TMEM201: variants seen among roughly 807,000 people sequenced by gnomAD.
TMEM201 encodes transmembrane protein 201.
Under a neutral mutation model 63.4 loss-of-function variants are expected in TMEM201, and 26 were observed. The ratio of observed to expected loss-of-function variants is 0.41; its 90% CI spans 0.30 to 0.57. The LOEUF is 0.57. TMEM201 is among the 20% of genes least tolerant of loss of function. TMEM201 has a pLI of 0.29. For synonymous variants in TMEM201, 417 were observed against 421.6 expected (o/e 0.99, Z 0.14); for missense variants, 794 against 917.7 (o/e 0.87, Z 1.74).
intron 4 of TMEM201, among the ~76,000 whole-genome samples, chr1:9,600,587 T>C (rs1047272279): frequency 6.6e-6 from 1 of 151,918 alleles, no homozygotes; most frequent in Non-Finnish European, 1.5e-5. Context: ...GGTAGGGAGG[T>C]GGCCCCATGG....
chr1:9,591,436 C>T (rs1048408229), intron 1 of TMEM201, among the ~76,000 whole-genome samples: 1 of 152,254 alleles, frequency 6.6e-6, no homozygotes, highest in African/African-American at 2.4e-5. Flanking sequence ...GAAGCCACCA[C>T]GGTCGGCACA....
rs768191508 is a variant in TMEM201, at chr1:9,602,246, G to A, written c.1134G>A (p.Thr378=). 61 of 1,611,918 alleles carry A rather than the reference G, an allele frequency of 3.8e-5. No homozygotes were observed. Among genetic ancestry groups the A allele is most frequent in the Admixed American group, 5.0e-5 (3 of 59,998 alleles). The change falls in exon 6 of 11, where the codon ACG becomes ACA. Residue 378 remains threonine (T), a synonymous_variant. Transcript: ENST00000340381. The part of the protein sequence containing the change: ...FTAAVATRKA[T]GPRRFRPRRF... ...CGGCTGTGGCCACAAGGAAGGCAAC[G>A]GGCCCACGGAGGTTCCGGCCCCGAA... is the stretch of plus-strand genomic sequence containing the variant.
At chr1:9,599,113 A>T (rs1644086898) in intron 4 of TMEM201, among the ~76,000 whole-genome samples, 1 of 149,876 alleles carries the variant, frequency 6.7e-6, no homozygotes, top group African/African-American at 2.5e-5. Context: ...GTTAATTTTT[A>T]TATTTTTGTA....
rs1340776609 is a variant in TMEM201 at position 9,605,153 on chromosome 1, A to G, written c.1161-2404A>G. ...TGGATCATATTTTTTCCGTCTCAAT[A>G]AACTGTTGCTTAAAACGTGGTCTCT... is the stretch of plus-strand genomic sequence containing the variant. On this transcript the variant is annotated intron_variant, in intron 6 of 10. Coordinates refer to ENST00000340381, the MANE Select transcript of TMEM201 (RefSeq NM_001130924.3). This position sits in a 1 kb window ranked among gnomAD's most constrained non-coding sequence, Gnocchi z 5.7. Among the ~76,000 whole-genome samples, 1 of 152,100 alleles carries G rather than the reference A, an allele frequency of 6.6e-6. No homozygotes were observed. Among genetic ancestry groups the G allele is most frequent in the Non-Finnish European group, 1.5e-5 (1 of 68,010 alleles).
intron 1 of TMEM201, among the ~76,000 whole-genome samples, chr1:9,594,134 G>GC (rs1182346671): frequency 2.0e-5 from 3 of 152,252 alleles, no homozygotes; most frequent in African/African-American, 7.2e-5. Context: ...ATGCTCAGCA[G>GC]CCCCTTTTGA....
chr1:9,589,467 G>C (rs531896937), intron 1 of TMEM201, among the ~76,000 whole-genome samples: 1 of 152,362 alleles, frequency 6.6e-6, no homozygotes, highest in East Asian at 1.9e-4. Flanking sequence ...GCGTTTCAGA[G>C]CCACAGCCCC....
At position 9,603,262 on chromosome 1, in the gene TMEM201, C is replaced by A. The variant is rs1271860028; in HGVS notation, c.1160+990C>A. ...TGGCCAGGCCCCTGCTGTTCTCAGCCTCAGTTTGCCATCTATGAAATGAGG... is the reference window on the plus strand; with the variant it reads ...TGGCCAGGCCCCTGCTGTTCTCAGCATCAGTTTGCCATCTATGAAATGAGG... On this transcript the variant is annotated intron_variant, in intron 6 of 10. Coordinates refer to ENST00000340381, the MANE Select transcript of TMEM201 (RefSeq NM_001130924.3). This position sits in a 1 kb window ranked among gnomAD's most constrained non-coding sequence, Gnocchi z 4.5. The A allele has an allele frequency of 1.0e-6, 1 of 985,000 alleles. No individual in the cohort carries two copies. Among genetic ancestry groups the A allele is most frequent in the South Asian group, 4.7e-5 (1 of 21,296 alleles). The allele number at this position is 985,000 out of a possible 1,614,324, so 61.0% of individuals were successfully genotyped here.
At chr1:9,599,004 C>T (rs1472495724) in intron 4 of TMEM201, among the ~76,000 whole-genome samples, 1 of 151,160 alleles carries the variant, frequency 6.6e-6, no homozygotes, top group Non-Finnish European at 1.5e-5. Flanking sequence ...TGCAGTGGCA[C>T]GATCTCGGCT....
intron 2 of TMEM201, among the ~76,000 whole-genome samples, chr1:9,596,306 TTCTGGCTCTGCATCTCATTC>T (rs1644019161): frequency 6.6e-6 from 1 of 152,252 alleles, no homozygotes; most frequent in Non-Finnish European, 1.5e-5. Flanking sequence ...ACCCAGGTCT[TTCTGGCTCTGCATCTCATTC>T]TCTGTACTAT....
Position 9,604,821 on chromosome 1 carries a change from C to T in TMEM201, c.1160+2549C>T. The T allele has an allele frequency of 1.0e-6, 1 of 985,992 alleles. No individual in the cohort carries two copies. Among genetic ancestry groups the T allele is most frequent in the Non-Finnish European group, 1.2e-6 (1 of 830,004 alleles). 61.1% of individuals were successfully genotyped at this position (985,992 alleles called of 1,614,324 possible). ...TCTGTCTGTGACTGTTGCTGAGTCTCTGTCTCATGTCGTAGAATTGTGGAT... is the reference window on the plus strand; with the variant it reads ...TCTGTCTGTGACTGTTGCTGAGTCTTTGTCTCATGTCGTAGAATTGTGGAT... On this transcript the variant is annotated intron_variant, in intron 6 of 10. Transcript: ENST00000340381. This position sits in a 1 kb window ranked among gnomAD's most constrained non-coding sequence, Gnocchi z 4.1.
At position 9,604,604 on chromosome 1, in the gene TMEM201, C is replaced by A. The variant is rs182955416; in HGVS notation, c.1160+2332C>A. On this transcript the variant is annotated intron_variant, in intron 6 of 10. Coordinates refer to ENST00000340381, the MANE Select transcript of TMEM201 (RefSeq NM_001130924.3). The surrounding 1 kb of genome is among the most constrained non-coding windows in gnomAD (Gnocchi z 4.1). Reference sequence around the variant, plus strand: ...AGACCTTCTAGGGTCTGGCTGGGGTCATCCTAGGTATGGGTGACCGTCCCT... The same window carrying A: ...AGACCTTCTAGGGTCTGGCTGGGGTAATCCTAGGTATGGGTGACCGTCCCT... The A allele has an allele frequency of 5.2e-5, 51 of 985,494 alleles. 1 individual carries two copies. In the East Asian group the frequency reaches 3.4e-3, roughly 66 times the overall value. 61.0% of individuals were successfully genotyped at this position (985,494 alleles called of 1,614,324 possible).
At position 9,607,042 on chromosome 1, in the gene TMEM201, C is replaced by T. The variant is rs2100513623; in HGVS notation, c.1161-515C>T. On this transcript the variant is annotated intron_variant, in intron 6 of 10. Transcript: ENST00000340381. The surrounding 1 kb of genome is among the most constrained non-coding windows in gnomAD (Gnocchi z 5.4). ...GACTTCCAGGAATCACACCTGGGAACAGAGGGTGCCCAGAGCCGTGCTGGG... is the reference window on the plus strand; with the variant it reads ...GACTTCCAGGAATCACACCTGGGAATAGAGGGTGCCCAGAGCCGTGCTGGG... Among the ~76,000 whole-genome samples, 1 of 152,284 alleles carries T rather than the reference C, an allele frequency of 6.6e-6. No individual in the cohort carries two copies. The highest frequency in any genetic ancestry group is 2.1e-4 in the South Asian group (1 of 4,826).
chr1:9,596,204 G>A (rs1379122968), intron 2 of TMEM201, among the ~76,000 whole-genome samples, 194 bp downstream of exon 2: 3 of 152,196 alleles, frequency 2.0e-5, no homozygotes, highest in Non-Finnish European at 4.4e-5. Context: ...CTGCCCTGGC[G>A]CTGTCTCCTC....
In TMEM201 at chr1:9,610,924, T is replaced by C; in HGVS notation, c.1765+119T>C. ...GACTCCGGTGTGCGCCTTCCCACCC[T>C]GGAGCTCTAGGCACCCCATTCCGGC... On this transcript the variant is annotated intron_variant, in intron 9 of 10. Coordinates refer to ENST00000340381, the MANE Select transcript of TMEM201 (RefSeq NM_001130924.3). The surrounding 1 kb of genome is among the most constrained non-coding windows in gnomAD (Gnocchi z 4.9). 1 of 1,490,652 alleles carries C rather than the reference T, an allele frequency of 6.7e-7. No individual in the cohort carries two copies. The allele number at this position is 1,490,652 out of a possible 1,614,324, so 92.3% of individuals were successfully genotyped here. A position where few individuals can be genotyped will look rare whatever the true frequency, so the allele number is the denominator to read the frequency against.
At chr1:9,600,181 G>T (rs993831138) in intron 4 of TMEM201, among the ~76,000 whole-genome samples, 2 of 152,184 alleles carry the variant, frequency 1.3e-5, no homozygotes, top group Admixed American at 6.5e-5. Context: ...TGTAGGGGTA[G>T]ATTTTACTAC....
chr1:9,590,844 G>A (rs1195189569), intron 1 of TMEM201, among the ~76,000 whole-genome samples: 5 of 152,250 alleles, frequency 3.3e-5, no homozygotes, highest in Non-Finnish European at 7.3e-5. Flanking sequence ...AAGAGGTTGA[G>A]CCTTCCTCCG....
In TMEM201 at chr1:9,588,939, A is replaced by G. The variant is rs1302007631; in HGVS notation, c.9A>G (p.Gly3=). ME[G]VSALLARCPT... ...CTTCCACGCGGAGAGCCATGGAGGG[A>G]GTGAGCGCGCTGCTGGCCCGCTGCC... is the stretch of plus-strand genomic sequence containing the variant. Residue 3 remains glycine, a synonymous_variant, in exon 1 of 11, where the codon GGA becomes GGG. Coordinates refer to ENST00000340381, the MANE Select transcript of TMEM201 (RefSeq NM_001130924.3). 1.6e-6 allele frequency: 2 copies of G among 1,276,592 alleles called. No individual in the cohort carries two copies. Among genetic ancestry groups the G allele is most frequent in the Non-Finnish European group, 1.0e-6 (1 of 992,650 alleles). 79.1% of individuals were successfully genotyped at this position (1,276,592 alleles called of 1,614,324 possible).
intron 3 of TMEM201, among the ~76,000 whole-genome samples, chr1:9,597,618 A>G (rs574394677): frequency 1.8e-4 from 28 of 152,266 alleles, no homozygotes; most frequent in Admixed American, 3.9e-4. Flanking sequence ...AGCCTTGCTT[A>G]CTGGCTGCTC....
chr1:9,602,499 G>C, intron 6 of TMEM201: 7 of 1,418,932 alleles, frequency 4.9e-6, no homozygotes, highest in Non-Finnish European at 6.4e-6. Flanking sequence ...CGAGTGCCCT[G>C]TAGCCACTCA....
Sources: allele counts gnomAD v4.1 joint callset (sites outside exome capture counted in the v4.1 genomes callset), GRCh38; gene constraint gnomAD v4.1.1; non-coding constraint Gnocchi (gnomAD v3.1); transcripts MANE v1.5; gene names NCBI Gene and HGNC (gene_info 2026-07-23, HGNC 2026-07-21).